Variants in MGAT4C observed in about 807,000 individuals in gnomAD.
MGAT4C encodes alpha-1,3-mannosyl-glycoprotein 4-beta-N-acetylglucosaminyltransferase C.
In MGAT4C, 19 loss-of-function variants were observed where a neutral mutation model predicts 40.1. That is an observed-to-expected ratio of 0.47 (90% CI 0.33 to 0.70). The LOEUF (loss-of-function observed/expected upper bound fraction) is 0.70. Ranked by LOEUF, MGAT4C falls within the 30% of genes least tolerant of loss-of-function variation. MGAT4C has a pLI of 0.02. For missense variants in MGAT4C, 491 were observed against 563.2 expected (o/e 0.87, Z 1.30); for synonymous variants, 181 against 187.1 (o/e 0.97, Z 0.27).
intron 2 of MGAT4C, among the ~76,000 whole-genome samples, chr12:86,717,948 C>T (rs563519041): frequency 2.6e-5 from 4 of 152,174 alleles, no homozygotes; most frequent in Non-Finnish European, 4.4e-5. Context: ...CCCTTACTAT[C>T]CTTTCTGAAA....
chr12:86,061,325 G>A (rs1240484468), intron 1 of MGAT4C, among the ~76,000 whole-genome samples: 2 of 152,132 alleles, frequency 1.3e-5, no homozygotes, highest in Non-Finnish European at 2.9e-5. Context: ...GTGCACTCCA[G>A]CCCAGATACT....
chr12:86,598,268 T>C (rs1295795274), intron 2 of MGAT4C, among the ~76,000 whole-genome samples: 1 of 152,148 alleles, frequency 6.6e-6, no homozygotes, highest in Non-Finnish European at 1.5e-5. Context: ...AATGTATAAT[T>C]TATATATAAT....
At chr12:86,684,340 G>A (rs1950033702) in intron 2 of MGAT4C, among the ~76,000 whole-genome samples, 1 of 152,166 alleles carries the variant, frequency 6.6e-6, no homozygotes, top group African/African-American at 2.4e-5. Context: ...CTTCATCCAT[G>A]TCCCTGCAAA....
chr12:86,397,986 G>T (rs1011001279), intron 3 of MGAT4C, among the ~76,000 whole-genome samples: 5 of 152,082 alleles, frequency 3.3e-5, no homozygotes, highest in African/African-American at 1.2e-4. Context: ...GTAATAATTT[G>T]TAAGTTTTTA....
chr12:86,160,817 A>C (rs1254436724), intron 1 of MGAT4C, among the ~76,000 whole-genome samples: 1 of 152,094 alleles, frequency 6.6e-6, no homozygotes, highest in Non-Finnish European at 1.5e-5. Context: ...ACCCTTTATC[A>C]TCAAGCAATG....
At chr12:86,474,359 C>T (rs535541825) in intron 2 of MGAT4C, among the ~76,000 whole-genome samples, 59 of 112,596 alleles carry the variant, frequency 5.2e-4, no homozygotes, top group Admixed American at 4.7e-3. Flanking sequence ...CATCACACAC[C>T]GGGCCTGCTG....
At position 86,384,179 on chromosome 12, in the gene MGAT4C, G is replaced by T. The variant is rs183100425; in HGVS notation, c.-119-50052C>A. The stretch of plus-strand genomic sequence containing the variant: ...TAAGTCCATTTAATCTATTTCTTTT[G>T]TAAATTGCCCAGTCTCAGGTATGTT... On this transcript the variant is annotated intron_variant, in intron 3 of 7. Coordinates refer to the MGAT4C transcript ENST00000548651. Among the ~76,000 whole-genome samples, 30 of 152,188 alleles carry T rather than the reference G, an allele frequency of 2.0e-4. 1 individual carries two copies. Among genetic ancestry groups the T allele is most frequent in the Admixed American group, 1.9e-3 (29 of 15,282 alleles).
At chr12:86,192,893 T>C (rs1003109790) in intron 1 of MGAT4C, among the ~76,000 whole-genome samples, 1 of 152,172 alleles carries the variant, frequency 6.6e-6, no homozygotes, top group African/African-American at 2.4e-5. Flanking sequence ...TTCTAAGCTT[T>C]TCCTTGGATA....
At chr12:86,553,714 G>A (rs1174680123) in intron 2 of MGAT4C, among the ~76,000 whole-genome samples, 1 of 152,076 alleles carries the variant, frequency 6.6e-6, no homozygotes, top group African/African-American at 2.4e-5. Context: ...AAGACTTTAA[G>A]AATACAGTGA....
At chr12:86,332,945 T>C (rs1487832150) in intron 4 of MGAT4C, among the ~76,000 whole-genome samples, 1 of 152,148 alleles carries the variant, frequency 6.6e-6, no homozygotes, top group Non-Finnish European at 1.5e-5. Context: ...CAAGGGATCA[T>C]CTAACATATG....
At chr12:86,650,429 C>T (rs576336648) in intron 2 of MGAT4C, among the ~76,000 whole-genome samples, 1 of 151,924 alleles carries the variant, frequency 6.6e-6, no homozygotes, top group African/African-American at 2.4e-5. Flanking sequence ...CAATGTAACC[C>T]TGTCTACAGC....
At chr12:86,599,179 C>A (rs1476665835) in intron 2 of MGAT4C, among the ~76,000 whole-genome samples, 1 of 151,932 alleles carries the variant, frequency 6.6e-6, no homozygotes, top group East Asian at 1.9e-4. Context: ...TAGACAAAAC[C>A]CATAGAGCCT....
rs150612828 is a variant in MGAT4C, at chr12:85,994,505, C to T, written c.-6-4953G>A. Among the ~76,000 whole-genome samples the T allele has an allele frequency of 2.0e-3, 311 of 152,184 alleles. 3 individuals carry two copies. The highest frequency in any genetic ancestry group is 6.4e-3 in the African/African-American group (264 of 41,520). ...CATTTATTAAACAAACTATGCTAGACTGCAGGCCGTTAAAAATTAAAGAAG... is the reference window on the plus strand; with the variant it reads ...CATTTATTAAACAAACTATGCTAGATTGCAGGCCGTTAAAAATTAAAGAAG... On this transcript the variant is annotated intron_variant, in intron 2 of 4. Transcript: ENST00000611864.
At chr12:86,427,809 A>G (rs1956958230) in intron 3 of MGAT4C, among the ~76,000 whole-genome samples, 1 of 152,164 alleles carries the variant, frequency 6.6e-6, no homozygotes, top group African/African-American at 2.4e-5. Context: ...TCACGAGGTC[A>G]GGGGATCAAG....
In MGAT4C at chr12:86,201,601, T is replaced by C. The variant is rs539599260; in HGVS notation, c.-57+54638A>G. ...TTATTATAAGAAATCAGGCAATGTATGTCCTCCAAATTTATGGTTGCTTTT... is the reference window on the plus strand; with the variant it reads ...TTATTATAAGAAATCAGGCAATGTACGTCCTCCAAATTTATGGTTGCTTTT... On this transcript the variant is annotated intron_variant, in intron 1 of 4. Coordinates refer to ENST00000611864, the MANE Select transcript of MGAT4C (RefSeq NM_001351288.2). 2.6e-5 allele frequency among the ~76,000 whole-genome samples: 4 copies of C among 151,588 alleles called. No individual in the cohort carries two copies. The South Asian group carries it at 8.3e-4, about 32-fold the overall frequency.
At chr12:86,779,329 T>C (rs1951794982) in intron 1 of MGAT4C, among the ~76,000 whole-genome samples, 1 of 152,116 alleles carries the variant, frequency 6.6e-6, no homozygotes, top group Non-Finnish European at 1.5e-5. Context: ...GCATAGTGGC[T>C]TACATCTGTA....
chr12:86,482,399 T>C (rs1957952966), intron 2 of MGAT4C, among the ~76,000 whole-genome samples: 1 of 152,110 alleles, frequency 6.6e-6, no homozygotes, highest in Non-Finnish European at 1.5e-5. Context: ...GTTATAATGT[T>C]TTCTATAATT....
chr12:86,171,710 T>A (rs930030171), intron 1 of MGAT4C, among the ~76,000 whole-genome samples: 1 of 152,212 alleles, frequency 6.6e-6, no homozygotes, highest in African/African-American at 2.4e-5. Context: ...TACCAAGTCA[T>A]AATTACATTA....
At chr12:86,381,631 T>C (rs1955931159) in intron 3 of MGAT4C, among the ~76,000 whole-genome samples, 1 of 152,156 alleles carries the variant, frequency 6.6e-6, no homozygotes, top group African/African-American at 2.4e-5. Flanking sequence ...CACACAAAAA[T>C]GCTTTACCAA....
Sources: gnomAD v4.1 joint callset for allele counts (sites outside exome capture counted in the v4.1 genomes callset) on GRCh38, gnomAD v4.1.1 for gene constraint, MANE v1.5 for transcripts, NCBI Gene and HGNC (gene_info 2026-07-23, HGNC 2026-07-21) for gene names.